The following ROBO2 variants were observed in gnomAD, a reference collection of about 807,000 sequenced individuals.
ROBO2 encodes the protein roundabout homolog 2.
A neutral mutation model predicts 160.8 loss-of-function variants in ROBO2; 53 were observed. The ratio of observed to expected loss-of-function variants is 0.33; its 90% confidence interval spans 0.26 to 0.41. ROBO2 has a LOEUF of 0.41. Ranked by LOEUF, ROBO2 falls within the 10% of genes least tolerant of loss-of-function variation. The pLI, the probability that ROBO2 is intolerant of heterozygous loss-of-function variation, is 1.00. For synonymous variants in ROBO2, 664 were observed against 611.7 expected (o/e 1.09, Z -1.26); for missense variants, 1,577 against 1,722.4 (o/e 0.92, Z 1.49).
chr3:76,947,800 A>G (rs2078663373), intron 2 of ROBO2, among the ~76,000 whole-genome samples: 1 of 152,212 alleles, frequency 6.6e-6, no homozygotes, highest in Middle Eastern at 3.4e-3. Context: ...ATCTGAACGT[A>G]CTACTTTTTA....
Position 77,444,789 on chromosome 3 carries a change from C to A in ROBO2, c.389-32625C>A. ...GAGTTTGGAAAGACCTTTATTTAAG[C>A]TATATAATGTATAGAAAAGGGCAGG... On this transcript the variant is annotated intron_variant, in intron 2 of 25. Transcript: ENST00000461745. 1.3e-5 allele frequency among the ~76,000 whole-genome samples: 2 copies of A among 151,984 alleles called. 1 individual carries two copies. The highest frequency in any genetic ancestry group is 4.2e-4 in the South Asian group (2 of 4,808).
intron 21 of ROBO2, among the ~76,000 whole-genome samples, chr3:77,610,381 C>G (rs1241955547): frequency 6.6e-6 from 1 of 152,094 alleles, no homozygotes; most frequent in African/African-American, 2.4e-5. Context: ...GACACACACA[C>G]ATGCACACAC....
intron 2 of ROBO2, among the ~76,000 whole-genome samples, chr3:76,399,866 T>TTATAA (rs1443951183): frequency 6.6e-6 from 1 of 151,738 alleles, no homozygotes; most frequent in African/African-American, 2.4e-5. Flanking sequence ...GCTCATAGTA[T>TTATAA]TATAATACCA....
chr3:77,080,199 TAGA>T (rs2149917002), intron 1 of ROBO2, among the ~76,000 whole-genome samples: 1 of 152,268 alleles, frequency 6.6e-6, no homozygotes, highest in African/African-American at 2.4e-5. Context: ...TGTCTGTAAC[TAGA>T]AGGACAACAC....
intron 2 of ROBO2, among the ~76,000 whole-genome samples, chr3:76,257,093 A>G (rs1035877516): frequency 1.3e-5 from 2 of 152,030 alleles, no homozygotes; most frequent in Non-Finnish European, 2.9e-5. Context: ...AACATTAGGG[A>G]TTACAGCTCA....
At chr3:76,242,940 A>G (rs964459337) in intron 2 of ROBO2, among the ~76,000 whole-genome samples, 2 of 152,080 alleles carry the variant, frequency 1.3e-5, no homozygotes, top group African/African-American at 4.8e-5. Flanking sequence ...AAACAAACAA[A>G]CAAATCCTGA....
chr3:76,061,171 A>G (rs1478877974), intron 2 of ROBO2, among the ~76,000 whole-genome samples: 1 of 152,196 alleles, frequency 6.6e-6, no homozygotes, highest in Admixed American at 6.5e-5. Flanking sequence ...TTTCATGTCA[A>G]AGTTTAAGAA....
At chr3:77,184,527 C>A (rs542811915) in intron 2 of ROBO2, among the ~76,000 whole-genome samples, 1 of 152,036 alleles carries the variant, frequency 6.6e-6, no homozygotes, top group Admixed American at 6.6e-5. Flanking sequence ...ATAATGACTT[C>A]TGGAAAGTTG....
intron 1 of ROBO2, among the ~76,000 whole-genome samples, chr3:77,084,761 C>G (rs1258011673): frequency 6.6e-6 from 1 of 152,010 alleles, no homozygotes; most frequent in Non-Finnish European, 1.5e-5. Flanking sequence ...TTGACAGACT[C>G]AAGGAATTGA....
At chr3:76,520,931 A>G (rs1022979133) in intron 2 of ROBO2, among the ~76,000 whole-genome samples, 1 of 152,056 alleles carries the variant, frequency 6.6e-6, no homozygotes, top group East Asian at 1.9e-4. Flanking sequence ...CCAGTATACT[A>G]TAGAAAACAT....
At chr3:76,919,671 A>G (rs1040015466) in intron 2 of ROBO2, among the ~76,000 whole-genome samples, 1 of 152,138 alleles carries the variant, frequency 6.6e-6, no homozygotes, top group African/African-American at 2.4e-5. Flanking sequence ...TTGCTTAATG[A>G]TTGGTTCATC....
chr3:77,484,567 CTGTTT>C (rs1332187237), intron 4 of ROBO2, among the ~76,000 whole-genome samples: 1 of 150,696 alleles, frequency 6.6e-6, no homozygotes, highest in African/African-American at 2.5e-5. Context: ...ATTTTACGTT[CTGTTT>C]TATCTAATTA....
chr3:77,538,125 AATAGTT>A (rs2092256579), intron 6 of ROBO2, among the ~76,000 whole-genome samples: 1 of 151,272 alleles, frequency 6.6e-6, no homozygotes, highest in Non-Finnish European at 1.5e-5. Flanking sequence ...AAACAAAAAA[AATAGTT>A]AATTAGAAAG....
intron 2 of ROBO2, among the ~76,000 whole-genome samples, chr3:77,441,919 C>T (rs1016387662): frequency 2.6e-5 from 4 of 152,114 alleles, no homozygotes; most frequent in African/African-American, 9.7e-5. Context: ...AGTTTTAAAA[C>T]ATTTTACATT....
intron 6 of ROBO2, among the ~76,000 whole-genome samples, chr3:77,545,783 A>C (rs1254570032): frequency 1.3e-5 from 2 of 152,122 alleles, no homozygotes; most frequent in Non-Finnish European, 2.9e-5. Context: ...CCTTGTATAT[A>C]ATTCCCATCT....
At chr3:77,123,849 CTATA>C (rs2150292262) in intron 2 of ROBO2, among the ~76,000 whole-genome samples, 1 of 147,954 alleles carries the variant, frequency 6.8e-6, no homozygotes, top group South Asian at 2.1e-4. Context: ...TATAATCTAT[CTATA>C]TAGATACATA....
chr3:76,676,507 T>C (rs2092412293), intron 2 of ROBO2, among the ~76,000 whole-genome samples: 1 of 152,096 alleles, frequency 6.6e-6, no homozygotes, highest in Non-Finnish European at 1.5e-5. Flanking sequence ...ACAAAGTGTA[T>C]CTCGACAGGT....
At chr3:76,487,563 C>G (rs1471417661) in intron 2 of ROBO2, among the ~76,000 whole-genome samples, 1 of 152,104 alleles carries the variant, frequency 6.6e-6, no homozygotes, top group African/African-American at 2.4e-5. Flanking sequence ...GGAAATAACA[C>G]GCCAAACACC....
At chr3:76,297,051 C>A (rs1237682330) in intron 2 of ROBO2, among the ~76,000 whole-genome samples, 1 of 152,270 alleles carries the variant, frequency 6.6e-6, no homozygotes, top group East Asian at 1.9e-4. Flanking sequence ...TGTGAGCCAT[C>A]AGAATGAATG....
Sources: gnomAD v4.1 joint callset for allele counts (sites outside exome capture counted in the v4.1 genomes callset) on GRCh38, gnomAD v4.1.1 for gene constraint, MANE v1.5 for transcripts, NCBI Gene and HGNC (gene_info 2026-07-23, HGNC 2026-07-21) for gene names.